The following FGF12 variants were observed in gnomAD, a reference collection of about 807,000 sequenced individuals.
The protein encoded by FGF12 is fibroblast growth factor 12.
Under a neutral mutation model 23.6 loss-of-function variants are expected in FGF12, and 14 were observed. That is an observed-to-expected ratio of 0.59 (90% CI 0.39 to 0.93). FGF12 has a LOEUF of 0.93. Ranked by LOEUF, FGF12 falls within the 40% of genes least tolerant of loss-of-function variation. The pLI is 0.00. For synonymous variants in FGF12, 62 were observed against 77.3 expected (o/e 0.80, Z 1.04); for missense variants, 175 against 217.8 (o/e 0.80, Z 1.24).
At chr3:192,493,721 G>A (rs181591493) in intron 2 of FGF12, among the ~76,000 whole-genome samples, 1 of 152,084 alleles carries the variant, frequency 6.6e-6, no homozygotes, top group Non-Finnish European at 1.5e-5. Flanking sequence ...GAGAGAAAAG[G>A]GGGAGGTGCC....
At chr3:192,208,365 T>C (rs558997612) in intron 4 of FGF12, among the ~76,000 whole-genome samples, 3 of 152,232 alleles carry the variant, frequency 2.0e-5, no homozygotes, top group Non-Finnish European at 4.4e-5. Flanking sequence ...TTAATAGAAA[T>C]AGCTAGAAAT....
At chr3:192,314,155 A>G (rs1716105715) in intron 4 of FGF12, among the ~76,000 whole-genome samples, 1 of 152,186 alleles carries the variant, frequency 6.6e-6, no homozygotes, top group Non-Finnish European at 1.5e-5. Flanking sequence ...ACCAGCCTCC[A>G]GAACTGTGAG....
At chr3:192,512,890 T>C (rs1229742534) in intron 2 of FGF12, among the ~76,000 whole-genome samples, 1 of 91,090 alleles carries the variant, frequency 1.1e-5, no homozygotes, top group African/African-American at 4.2e-5. Flanking sequence ...TCCACTGTTG[T>C]CAGATAAAAA....
At chr3:192,652,888 G>A (rs1716265395) in intron 2 of FGF12, among the ~76,000 whole-genome samples, 1 of 152,184 alleles carries the variant, frequency 6.6e-6, no homozygotes, top group Non-Finnish European at 1.5e-5. Flanking sequence ...AAGATGGACT[G>A]TTTGGGAATA....
chr3:192,561,491 T>C (rs899918120), intron 2 of FGF12, among the ~76,000 whole-genome samples: 14 of 152,024 alleles, frequency 9.2e-5, no homozygotes, highest in Admixed American at 6.6e-5. Flanking sequence ...GCCTTCTGAG[T>C]AGCTGGGACT....
chr3:192,439,976 G>GAAA (rs5855427), intron 2 of FGF12, among the ~76,000 whole-genome samples: 63 of 114,164 alleles, frequency 5.5e-4, no homozygotes, highest in African/African-American at 1.9e-3. Context: ...ACTCCATATG[G>GAAA]AAAAAAAAAA....
intron 2 of FGF12, among the ~76,000 whole-genome samples, chr3:192,450,990 T>C (rs1199785743): frequency 3.3e-5 from 5 of 152,308 alleles, no homozygotes; most frequent in African/African-American, 9.6e-5. Context: ...ACTAACAAAA[T>C]GAAAAGTGAT....
At chr3:192,500,992 A>G (rs1724118281) in intron 2 of FGF12, among the ~76,000 whole-genome samples, 1 of 152,216 alleles carries the variant, frequency 6.6e-6, no homozygotes. Flanking sequence ...ACTATTTCAC[A>G]TCAGGCTACC....
chr3:192,491,339 T>C (rs371285548), intron 2 of FGF12, among the ~76,000 whole-genome samples: 60 of 152,286 alleles, frequency 3.9e-4, no homozygotes, highest in African/African-American at 1.1e-3. Flanking sequence ...GTAATCATCT[T>C]TGAAGGGAGT....
At chr3:192,466,024 G>T (rs935112864) in intron 2 of FGF12, among the ~76,000 whole-genome samples, 11 of 152,106 alleles carry the variant, frequency 7.2e-5, no homozygotes, top group African/African-American at 2.2e-4. Context: ...TGAGCATTGT[G>T]CGATCACCAC....
At chr3:192,186,532 G>A (rs1351917966) in intron 4 of FGF12, among the ~76,000 whole-genome samples, 8 of 152,074 alleles carry the variant, frequency 5.3e-5, no homozygotes, top group Non-Finnish European at 1.0e-4. Context: ...CAGGAATATC[G>A]AATGAATAAA....
At chr3:192,459,335 G>A (rs749749889) in intron 2 of FGF12, among the ~76,000 whole-genome samples, 2 of 152,066 alleles carry the variant, frequency 1.3e-5, no homozygotes, top group South Asian at 2.1e-4. Flanking sequence ...TAAATAAAAC[G>A]GCAACAAAAT....
intron 2 of FGF12, among the ~76,000 whole-genome samples, chr3:192,430,731 AG>A (rs1721837527): frequency 6.6e-6 from 1 of 152,060 alleles, no homozygotes; most frequent in African/African-American, 2.4e-5. Context: ...CTAGGGTGAA[AG>A]GGGGAATGAG....
At chr3:192,444,536 TG>T (rs1219406550) in intron 2 of FGF12, among the ~76,000 whole-genome samples, 2 of 152,030 alleles carry the variant, frequency 1.3e-5, no homozygotes, top group Admixed American at 6.6e-5. Flanking sequence ...CTGGAACCAG[TG>T]GGGAAAAAAG....
chr3:192,417,910 G>A (rs1297064879), intron 2 of FGF12, among the ~76,000 whole-genome samples: 2 of 152,034 alleles, frequency 1.3e-5, no homozygotes, highest in African/African-American at 4.8e-5. Context: ...CAAAAAAGAG[G>A]ATGTGCCTTG....
At chr3:192,335,966 CTT>C (rs1252455813) in intron 3 of FGF12, among the ~76,000 whole-genome samples, 13 of 151,980 alleles carry the variant, frequency 8.6e-5, no homozygotes, top group African/African-American at 2.9e-4. Flanking sequence ...AAATTACTGA[CTT>C]ATTGGTGATA....
intron 4 of FGF12, among the ~76,000 whole-genome samples, chr3:192,335,064 T>G (rs1717326211): frequency 6.6e-6 from 1 of 152,148 alleles, no homozygotes; most frequent in Admixed American, 6.6e-5. Context: ...AAGAAAAATG[T>G]CTTGCTCTTT....
chr3:192,682,271 C>T (rs1326243418), intron 2 of FGF12, among the ~76,000 whole-genome samples: 1 of 152,018 alleles, frequency 6.6e-6, no homozygotes, highest in Admixed American at 6.5e-5. Context: ...TGAACGCACA[C>T]AGCTGGTGCA....
chr3:192,326,473 C>G (rs971602777), intron 4 of FGF12, among the ~76,000 whole-genome samples: 1 of 152,112 alleles, frequency 6.6e-6, no homozygotes, highest in Non-Finnish European at 1.5e-5. Context: ...ATCACCACCC[C>G]CAACTCATGT....
Sources: allele counts gnomAD v4.1 joint callset (sites outside exome capture counted in the v4.1 genomes callset), GRCh38; gene constraint gnomAD v4.1.1; transcripts MANE v1.5; gene names NCBI Gene and HGNC (gene_info 2026-07-23, HGNC 2026-07-21).